OTOGL: variants seen among roughly 807,000 people sequenced by gnomAD.
OTOGL encodes the protein otogelin-like protein.
A neutral mutation model predicts 318.5 loss-of-function variants in OTOGL; 285 were observed. The ratio of observed to expected loss-of-function variants is 0.89; its 90% CI spans 0.81 to 0.99. The LOEUF is 0.99. OTOGL is among the 50% of genes least tolerant of loss of function. The pLI, the probability that OTOGL is intolerant of heterozygous loss-of-function variation, is 0.00. For synonymous variants in OTOGL, 987 were observed against 936.5 expected (o/e 1.05, Z -0.99); for missense variants, 2,899 against 2,845.6 (o/e 1.02, Z -0.43).
chr12:80,365,995 G>A (rs560649105), intron 52 of OTOGL, among the ~76,000 whole-genome samples: 3 of 152,136 alleles, frequency 2.0e-5, no homozygotes, highest in South Asian at 2.1e-4. Flanking sequence ...ACAGCAAAAT[G>A]CTCTACAGGA....
intron 30 of OTOGL, 99 bp downstream of exon 30, chr12:80,310,826 T>A (rs1457178083): frequency 2.3e-6 from 2 of 884,506 alleles, no homozygotes; most frequent in African/African-American, 1.7e-5. Flanking sequence ...TCCACTGGCT[T>A]TTTAGATATA....
chr12:80,151,198 T>G (rs1456137175), intron 1 of OTOGL, among the ~76,000 whole-genome samples: 1 of 152,106 alleles, frequency 6.6e-6, no homozygotes, highest in Non-Finnish European at 1.5e-5. Flanking sequence ...TAATCCAACA[T>G]GTACAAAAAG....
intron 42 of OTOGL, among the ~76,000 whole-genome samples, chr12:80,337,243 C>T (rs1300758342): frequency 6.6e-6 from 1 of 151,886 alleles, no homozygotes; most frequent in Non-Finnish European, 1.5e-5. Flanking sequence ...GTTAAATACA[C>T]TAGCGACCTC....
At chr12:80,109,437 G>A (rs1439773069) in intron 1 of OTOGL, among the ~76,000 whole-genome samples, 2 of 152,044 alleles carry the variant, frequency 1.3e-5, no homozygotes, top group Non-Finnish European at 2.9e-5. Flanking sequence ...GAAACTCATA[G>A]TATCTTATTT....
At chr12:80,284,537 T>C (rs139486504) in intron 26 of OTOGL, among the ~76,000 whole-genome samples, 4,905 of 152,142 alleles carry the variant, frequency 0.032, 261 homozygotes, top group African/African-American at 0.11. Context: ...CTCTCCAGCA[T>C]CTGTTGTTTT....
At chr12:80,357,061 T>C (rs1319729665) in intron 49 of OTOGL, 147 bp downstream of exon 49, 1 of 465,526 alleles carries the variant, frequency 2.1e-6, no homozygotes, top group Non-Finnish European at 3.8e-6. Flanking sequence ...GTAAAGAAAG[T>C]ATGACATTTT....
At chr12:80,295,908 A>G (rs906022148) in intron 26 of OTOGL, among the ~76,000 whole-genome samples, 11 of 152,228 alleles carry the variant, frequency 7.2e-5, no homozygotes, top group African/African-American at 2.7e-4. Flanking sequence ...TTATAATGAA[A>G]TTTCCAGAGT....
At chr12:80,232,808 TTGTATCTCAGTCACTTAAAAATA>T in intron 8 of OTOGL, 61 bp from the exon 9 acceptor site, 1 of 1,140,976 alleles carries the variant, frequency 8.8e-7, no homozygotes, top group South Asian at 1.5e-5. Context: ...TTTCTTTTAA[TTGTATCTCAGTCACTTAAAAATA>T]TGTCATCTGT....
At chr12:80,164,989 T>C (rs954846089) in intron 1 of OTOGL, among the ~76,000 whole-genome samples, 1 of 152,008 alleles carries the variant, frequency 6.6e-6, no homozygotes, top group African/African-American at 2.4e-5. Flanking sequence ...TGGACAGGAA[T>C]AGAGAGGGTA....
intron 37 of OTOGL, among the ~76,000 whole-genome samples, chr12:80,331,419 C>A (rs552825811): frequency 7.2e-6 from 1 of 139,518 alleles, no homozygotes; most frequent in South Asian, 2.3e-4. Flanking sequence ...TGGCTCACTG[C>A]AACCTCCAAC....
intron 57 of OTOGL, among the ~76,000 whole-genome samples, chr12:80,373,191 T>G (rs1451743687): frequency 3.3e-5 from 5 of 152,082 alleles, no homozygotes; most frequent in Non-Finnish European, 5.9e-5. Context: ...CACAGCACTT[T>G]GGGAGGCCAA....
chr12:80,171,037 T>TTGTATG (rs1874173167), intron 1 of OTOGL, among the ~76,000 whole-genome samples: 1 of 152,084 alleles, frequency 6.6e-6, no homozygotes, highest in East Asian at 1.9e-4. Context: ...CATTTTGAGT[T>TTGTATG]TGTATGTGTA....
intron 1 of OTOGL, among the ~76,000 whole-genome samples, chr12:80,174,231 T>G (rs1423312165): frequency 3.3e-5 from 5 of 152,158 alleles, no homozygotes; most frequent in African/African-American, 1.2e-4. Context: ...AGTCAGAGAT[T>G]CACTGGTTGA....
chr12:80,217,550 G>C (rs1232838920), intron 4 of OTOGL, 48 bp from the exon 5 acceptor site: 3 of 1,291,462 alleles, frequency 2.3e-6, no homozygotes, highest in African/African-American at 3.0e-5. Flanking sequence ...TGTTTGGCTT[G>C]AATTAAATAA....
In OTOGL at chr12:80,368,280, A is replaced by T; in HGVS notation, c.6586A>T (p.Met2196Leu). ...CAAAAATGTATCCTGCAAATTTCAC[A>T]TGGAAAATGGAACATCAGTTGTATA... Reference protein sequence around the residue: ...TCKNVSCKFHMENGTSVVYAV... With the variant: ...TCKNVSCKFHLENGTSVVYAV... The change falls in exon 55 of 59, where the codon ATG (methionine) becomes TTG (leucine). Residue 2196 changes from methionine (M) to leucine (L), a missense_variant. This residue lies in a region of OTOGL where 289 missense variants were observed against 304.6 expected (regional missense o/e 0.95). Coordinates refer to ENST00000547103, the MANE Select transcript of OTOGL (RefSeq NM_001378609.3). 1 of 1,596,630 alleles carries T rather than the reference A, an allele frequency of 6.3e-7. No homozygotes were observed.
At chr12:80,236,531 T>C (rs147173436) in intron 9 of OTOGL, among the ~76,000 whole-genome samples, 119 of 152,304 alleles carry the variant, frequency 7.8e-4, no homozygotes, top group African/African-American at 2.8e-3. Context: ...GGTTGTTTAG[T>C]CACATTAAAA....
chr12:80,253,139 AACTAAAAATGT>A (rs1266949179), intron 13 of OTOGL, among the ~76,000 whole-genome samples: 1 of 152,098 alleles, frequency 6.6e-6, no homozygotes, highest in Non-Finnish European at 1.5e-5. Flanking sequence ...ACAGAAACTA[AACTAAAAATGT>A]ACTTTCTCCC....
chr12:80,127,473 AT>A (rs1255912918), intron 1 of OTOGL, among the ~76,000 whole-genome samples: 1 of 151,934 alleles, frequency 6.6e-6, no homozygotes, highest in African/African-American at 2.4e-5. Context: ...TGCCCTTAAC[AT>A]TTTTCCTTCA....
chr12:80,338,139 G>A (rs2137922380), intron 42 of OTOGL, among the ~76,000 whole-genome samples: 1 of 152,152 alleles, frequency 6.6e-6, no homozygotes, highest in East Asian at 1.9e-4. Flanking sequence ...ACTTATACTT[G>A]TGCATGATTT....
Sources: allele counts gnomAD v4.1 joint callset (sites outside exome capture counted in the v4.1 genomes callset), GRCh38; gene constraint gnomAD v4.1.1; regional missense constraint gnomAD v4.1.1; transcripts MANE v1.5; gene names NCBI Gene and HGNC (gene_info 2026-07-23, HGNC 2026-07-21).